The following LAMA2 variants were observed in gnomAD, a reference collection of about 807,000 sequenced individuals.
LAMA2 encodes laminin subunit alpha 2.
In LAMA2, 269 loss-of-function variants were observed where a neutral mutation model predicts 364.8. That is an observed-to-expected ratio of 0.74 (90% CI 0.67 to 0.82). LAMA2 has a LOEUF of 0.82. LAMA2 is among the 40% of genes least tolerant of loss of function. The probability of loss-of-function intolerance (pLI) is 0.00; values close to 1 mark genes in which losing one functional copy is unlikely to be tolerated. For missense variants in LAMA2, 3,807 were observed against 3,873.2 expected, an observed-to-expected ratio of 0.98 and a Z score of 0.45; for synonymous variants, 1,379 against 1,370.6, an observed-to-expected ratio of 1.01 and a Z score of -0.14.
At chr6:129,402,141 A>C (rs1780010177) in intron 38 of LAMA2, among the ~76,000 whole-genome samples, 183 bp from the exon 39 acceptor site, 1 of 149,440 alleles carries the variant, frequency 6.7e-6, no homozygotes, top group African/African-American at 2.5e-5. Flanking sequence ...CCAGGGAGGC[A>C]GAGGTTGCAG....
intron 7 of LAMA2, among the ~76,000 whole-genome samples, chr6:129,150,029 A>T (rs1778702371): frequency 6.6e-6 from 1 of 151,932 alleles, no homozygotes; most frequent in African/African-American, 2.4e-5. Context: ...TTTTAGTTTG[A>T]GATTCTGCAT....
chr6:129,028,178 ATAAAG>A (rs1292378590), intron 1 of LAMA2, among the ~76,000 whole-genome samples: 16 of 152,054 alleles, frequency 1.1e-4, no homozygotes, highest in African/African-American at 3.4e-4. Flanking sequence ...CAGCTGCAAA[ATAAAG>A]TAAATACACA....
chr6:129,400,426 G>A (rs1779903818), intron 37 of LAMA2, among the ~76,000 whole-genome samples: 1 of 152,188 alleles, frequency 6.6e-6, no homozygotes, highest in Non-Finnish European at 1.5e-5. Flanking sequence ...CACATATTGA[G>A]ATCTAAATGA....
At chr6:129,396,853 T>C (rs891984929) in intron 37 of LAMA2, among the ~76,000 whole-genome samples, 2 of 151,726 alleles carry the variant, frequency 1.3e-5, no homozygotes, top group Non-Finnish European at 2.9e-5. Flanking sequence ...GGTGCATGCC[T>C]GTGGTCCCAG....
intron 1 of LAMA2, among the ~76,000 whole-genome samples, chr6:129,010,718 A>C (rs898613000): frequency 1.8e-4 from 28 of 152,214 alleles, no homozygotes; most frequent in African/African-American, 6.8e-4. Context: ...GTGGTAACAC[A>C]TACTTTATAC....
intron 1 of LAMA2, among the ~76,000 whole-genome samples, chr6:128,986,718 A>C (rs1183560659): frequency 6.6e-6 from 1 of 152,100 alleles, no homozygotes; most frequent in Non-Finnish European, 1.5e-5. Flanking sequence ...ATCTACAATC[A>C]AATTACCTTT....
At chr6:129,199,365 C>T (rs1026222357) in intron 12 of LAMA2, among the ~76,000 whole-genome samples, 1 of 152,098 alleles carries the variant, frequency 6.6e-6, no homozygotes, top group African/African-American at 2.4e-5. Flanking sequence ...TGAAGGCTAT[C>T]TACATAAAAA....
chr6:129,204,021 T>C (rs887594878), intron 12 of LAMA2, among the ~76,000 whole-genome samples: 1 of 152,234 alleles, frequency 6.6e-6, no homozygotes, highest in African/African-American at 2.4e-5. Flanking sequence ...AAAAGACGTT[T>C]GTTAAAAAAC....
At position 129,085,606 on chromosome 6, in the gene LAMA2, A is replaced by C. The variant is rs902915642; in HGVS notation, c.397-12567A>C. Among the ~76,000 whole-genome samples, 2 of 152,190 alleles carry C rather than the reference A, an allele frequency of 1.3e-5. 1 individual carries two copies. Among genetic ancestry groups the C allele is most frequent in the Non-Finnish European group, 2.9e-5 (2 of 68,022 alleles). On this transcript the variant is annotated intron_variant, in intron 3 of 64. Coordinates refer to ENST00000421865, the MANE Select transcript of LAMA2 (RefSeq NM_000426.4). ...GAGGAACTTTGGAAGGAACATGAGC[A>C]GCCAAACTTGCTAACAGCAAAACGT...
intron 4 of LAMA2, among the ~76,000 whole-genome samples, chr6:129,105,208 G>A (rs912232560): frequency 7.2e-5 from 11 of 152,080 alleles, no homozygotes; most frequent in Non-Finnish European, 1.5e-4. Context: ...ATTACTTTGA[G>A]GCCAACCACA....
chr6:128,968,745 G>A (rs1782008697), intron 1 of LAMA2, among the ~76,000 whole-genome samples: 1 of 152,114 alleles, frequency 6.6e-6, no homozygotes, highest in Non-Finnish European at 1.5e-5. Flanking sequence ...GATAAGGGCA[G>A]CCAGGGTAAG....
chr6:129,156,876 CA>C (rs1174545453), intron 8 of LAMA2, among the ~76,000 whole-genome samples: 12 of 152,002 alleles, frequency 7.9e-5, no homozygotes, highest in Non-Finnish European at 1.6e-4. Flanking sequence ...GAATCTTGGT[CA>C]GATATTGCAT....
At chr6:129,017,491 T>G (rs1052793701) in intron 1 of LAMA2, among the ~76,000 whole-genome samples, 1 of 88,860 alleles carries the variant, frequency 1.1e-5, no homozygotes, top group Admixed American at 1.4e-4. Context: ...TTCATCTCTG[T>G]CAGATACGAC....
At position 129,514,587 on chromosome 6, in the gene LAMA2, G is replaced by T; in HGVS notation, c.9203G>T (p.Gly3068Val). 6.2e-7 allele frequency: 1 copy of T among 1,613,730 alleles called. No individual in the cohort carries two copies. Among genetic ancestry groups the T allele is most frequent in the East Asian group, 2.2e-5 (1 of 44,848 alleles). ...ADTNDPVFVG[G>V]FPDDLKQFGL... ...ACAAATGACCCTGTGTTTGTTGGAGGCTTCCCAGGTGAGTGTTGGCTACCC... is the reference window on the plus strand; with the variant it reads ...ACAAATGACCCTGTGTTTGTTGGAGTCTTCCCAGGTGAGTGTTGGCTACCC... Residue 3068 changes from glycine to valine, a missense_variant, in exon 64 of 65, where the codon GGC (glycine) becomes GTC (valine). By Grantham distance (109) the Gly-to-Val change is moderately radical. Transcript: ENST00000421865.
In LAMA2 at chr6:129,250,231, T is replaced by G. The variant is rs1786077657; in HGVS notation, c.1884+18T>G. 7.3e-7 allele frequency: 1 copy of G among 1,370,580 alleles called. No homozygotes were observed. Among genetic ancestry groups the G allele is most frequent in the Non-Finnish European group, 1.0e-6 (1 of 960,310 alleles). 84.9% of individuals were successfully genotyped at this position (1,370,580 alleles called of 1,614,324 possible). A position where few individuals can be genotyped will look rare whatever the true frequency, so the allele number is the denominator to read the frequency against. On this transcript the variant is annotated intron_variant, in intron 13 of 64. Coordinates refer to ENST00000421865, the MANE Select transcript of LAMA2 (RefSeq NM_000426.4). ...TCTTAGAGGTAGAGTACTGAGAGCA[T>G]GTTCACCCGTGTTACTTCCTGATGT...
intron 56 of LAMA2, among the ~76,000 whole-genome samples, chr6:129,491,250 C>T (rs1489981133): frequency 6.6e-6 from 1 of 152,136 alleles, no homozygotes; most frequent in Non-Finnish European, 1.5e-5. Context: ...ATTCTTGGCC[C>T]AGGGATCCAA....
At chr6:129,411,876 A>G (rs1780557346) in intron 40 of LAMA2, among the ~76,000 whole-genome samples, 1 of 152,224 alleles carries the variant, frequency 6.6e-6, no homozygotes, top group African/African-American at 2.4e-5. Context: ...AAGCATAATG[A>G]TAATAATTAT....
intron 1 of LAMA2, among the ~76,000 whole-genome samples, chr6:128,996,955 G>GAAA (rs1783984579): frequency 6.6e-6 from 1 of 152,168 alleles, no homozygotes; most frequent in Non-Finnish European, 1.5e-5. Context: ...CGTGAAAAAG[G>GAAA]ATGAGTTCAT....
intron 56 of LAMA2, 67 bp from the exon 57 acceptor site, chr6:129,491,834 G>T (rs1784877557): frequency 5.3e-6 from 7 of 1,315,700 alleles, no homozygotes; most frequent in Non-Finnish European, 7.6e-6. Flanking sequence ...TGGCAGGAAA[G>T]AATTTGATTT....
Sources: allele counts gnomAD v4.1 joint callset (sites outside exome capture counted in the v4.1 genomes callset), GRCh38; gene constraint gnomAD v4.1.1; transcripts MANE v1.5; gene names NCBI Gene and HGNC (gene_info 2026-07-23, HGNC 2026-07-21).